The following NRXN1 variants were observed in gnomAD, a reference collection of about 807,000 sequenced individuals.
NRXN1 encodes the protein neurexin-1.
In NRXN1, 39 loss-of-function variants were observed where a neutral mutation model predicts 150.9. The ratio of observed to expected loss-of-function variants is 0.26; its 90% confidence interval spans 0.20 to 0.34. NRXN1 has a LOEUF of 0.34. NRXN1 is among the 10% of genes least tolerant of loss of function. The pLI, the probability that NRXN1 is intolerant of heterozygous loss-of-function variation, is 1.00. For synonymous variants in NRXN1, 924 were observed against 757.0 expected, an observed-to-expected ratio of 1.22 and a Z score of -3.62; for missense variants, 1,815 against 1,949.9, an observed-to-expected ratio of 0.93 and a Z score of 1.30.
At chr2:50,722,301 A>G (rs1330320219) in intron 5 of NRXN1, among the ~76,000 whole-genome samples, 1 of 152,176 alleles carries the variant, frequency 6.6e-6, no homozygotes, top group East Asian at 1.9e-4. Context: ...ATTCCCCATA[A>G]TACAATTAAT....
chr2:50,333,293 C>T lies in NRXN1; in HGVS notation c.3365-96323G>A, dbSNP rs569750695. On this transcript the variant is annotated intron_variant, in intron 17 of 22. Transcript: ENST00000401669. ...GACTAAGTCAGGCCAATTAAAGTGA[C>T]CGGGCTGCAACGTTGCCCTACCTGC... Among the ~76,000 whole-genome samples the T allele has an allele frequency of 1.9e-4, 29 of 152,310 alleles. 1 individual carries two copies. Among genetic ancestry groups the T allele is most frequent in the African/African-American group, 6.5e-4 (27 of 41,570 alleles).
At chr2:50,848,761 A>T (rs751715642) in intron 5 of NRXN1, among the ~76,000 whole-genome samples, 5 of 152,188 alleles carry the variant, frequency 3.3e-5, no homozygotes, top group African/African-American at 4.8e-5. Flanking sequence ...TGGATGTGGC[A>T]AAAATGCCAG....
At chr2:50,456,126 A>G (rs754199627) in intron 17 of NRXN1, among the ~76,000 whole-genome samples, 5 of 152,162 alleles carry the variant, frequency 3.3e-5, no homozygotes, top group African/African-American at 7.2e-5. Context: ...CACCTACGCG[A>G]ACAGTTTCCA....
chr2:50,411,823 A>C (rs900595155), intron 17 of NRXN1, among the ~76,000 whole-genome samples: 14 of 152,256 alleles, frequency 9.2e-5, no homozygotes, highest in African/African-American at 3.4e-4. Context: ...TGTACCCAAC[A>C]GCTCATTGAG....
intron 18 of NRXN1, among the ~76,000 whole-genome samples, chr2:50,169,518 G>C (rs929564764): frequency 1.3e-5 from 2 of 152,092 alleles, no homozygotes; most frequent in Non-Finnish European, 2.9e-5. Flanking sequence ...TTCGAGACCA[G>C]TCTGGCCAAC....
chr2:50,486,914 T>C (rs2090913742), intron 15 of NRXN1, among the ~76,000 whole-genome samples: 1 of 152,174 alleles, frequency 6.6e-6, no homozygotes. Flanking sequence ...ACCTTGTGTA[T>C]TGTTCTGGGA....
At chr2:50,668,113 C>G (rs1260455842) in intron 5 of NRXN1, among the ~76,000 whole-genome samples, 2 of 151,972 alleles carry the variant, frequency 1.3e-5, no homozygotes, top group African/African-American at 4.8e-5. Flanking sequence ...TCTAATGTCT[C>G]AACGTCTCCT....
intron 5 of NRXN1, among the ~76,000 whole-genome samples, chr2:50,808,287 C>T (rs763128683): frequency 6.6e-6 from 1 of 152,026 alleles, no homozygotes; most frequent in Non-Finnish European, 1.5e-5. Context: ...CAAATAGCTA[C>T]ATTATATCAT....
At chr2:50,264,222 C>G (rs1159161175) in intron 17 of NRXN1, among the ~76,000 whole-genome samples, 1 of 151,858 alleles carries the variant, frequency 6.6e-6, no homozygotes, top group East Asian at 1.9e-4. Flanking sequence ...AACAGTGAAA[C>G]AGCTCTCTAC....
At chr2:50,163,451 T>C (rs2059488800) in intron 18 of NRXN1, among the ~76,000 whole-genome samples, 1 of 152,158 alleles carries the variant, frequency 6.6e-6, no homozygotes, top group Admixed American at 6.6e-5. Context: ...ATCTACTTGA[T>C]AATCAATTTA....
chr2:50,830,412 G>A (rs1056948784), intron 5 of NRXN1, among the ~76,000 whole-genome samples: 1 of 151,574 alleles, frequency 6.6e-6, no homozygotes, highest in Non-Finnish European at 1.5e-5. Flanking sequence ...GTCACACACG[G>A]TAGTTTTATT....
intron 5 of NRXN1, among the ~76,000 whole-genome samples, chr2:50,779,320 T>C (rs998822661): frequency 1.3e-5 from 2 of 152,186 alleles, no homozygotes; most frequent in African/African-American, 2.4e-5. Context: ...GGTTTTTCAG[T>C]TTAATCCATG....
chr2:50,981,172 ACTGTCTCG>A (rs1696725196), intron 2 of NRXN1, among the ~76,000 whole-genome samples: 1 of 151,970 alleles, frequency 6.6e-6, no homozygotes, highest in African/African-American at 2.4e-5. Context: ...AAGAAACATA[ACTGTCTCG>A]GCGTAGTGGC....
At chr2:50,153,343 AT>A (rs896366955) in intron 18 of NRXN1, among the ~76,000 whole-genome samples, 14 of 144,462 alleles carry the variant, frequency 9.7e-5, no homozygotes, top group African/African-American at 2.3e-4. Flanking sequence ...CACAGTTTCT[AT>A]TTTTTTTTCC....
chr2:50,622,497 TAA>T (rs1319739293), intron 6 of NRXN1, among the ~76,000 whole-genome samples: 1 of 152,146 alleles, frequency 6.6e-6, no homozygotes, highest in African/African-American at 2.4e-5. Flanking sequence ...CACTGTAATA[TAA>T]AGTTTCACAT....
rs1193736337 is a variant in NRXN1, at chr2:50,199,557, CACACACACACAT to C, written c.3546+37220_3546+37231del. ...TCTTATACACACACACACACACACA[CACACACACACAT>C]GCACACTGACATTAATAAGTCAGTA... On this transcript the variant is annotated intron_variant, in intron 18 of 22. Coordinates refer to ENST00000401669, the MANE Select transcript of NRXN1 (RefSeq NM_001330078.2). Among the ~76,000 whole-genome samples, 393 of 151,736 alleles carry C rather than the reference CACACACACACAT, an allele frequency of 2.6e-3. 1 individual carries two copies. The highest frequency in any genetic ancestry group is 8.4e-3 in the African/African-American group (346 of 41,320).
At chr2:50,584,144 G>T (rs1672718161) in intron 8 of NRXN1, among the ~76,000 whole-genome samples, 1 of 152,160 alleles carries the variant, frequency 6.6e-6, no homozygotes, top group Non-Finnish European at 1.5e-5. Flanking sequence ...GAGTGAAGAG[G>T]TTATGTCTTT....
At chr2:50,542,149 T>G (rs2093406348) in intron 9 of NRXN1, among the ~76,000 whole-genome samples, 1 of 151,964 alleles carries the variant, frequency 6.6e-6, no homozygotes, top group Non-Finnish European at 1.5e-5. Context: ...GGCACGGTGG[T>G]GCATGCCTGT....
At chr2:50,343,239 T>A (rs1390974136) in intron 17 of NRXN1, among the ~76,000 whole-genome samples, 1 of 152,152 alleles carries the variant, frequency 6.6e-6, no homozygotes, top group African/African-American at 2.4e-5. Flanking sequence ...AAGCTAATTT[T>A]CTAAAGTATG....
Sources: gnomAD v4.1 joint callset for allele counts (sites outside exome capture counted in the v4.1 genomes callset) on GRCh38, gnomAD v4.1.1 for gene constraint, MANE v1.5 for transcripts, NCBI Gene and HGNC (gene_info 2026-07-23, HGNC 2026-07-21) for gene names.